The following PDE4DIP variants were observed in gnomAD, a reference collection of about 807,000 sequenced individuals.
The protein encoded by PDE4DIP is phosphodiesterase 4D interacting protein.
In PDE4DIP, 59 loss-of-function variants were observed where a neutral mutation model predicts 221.4. That is an observed-to-expected ratio of 0.27 (90% CI 0.22 to 0.33). PDE4DIP has a LOEUF of 0.33. Ranked by LOEUF, PDE4DIP falls within the 10% of genes least tolerant of loss-of-function variation. PDE4DIP has a pLI of 1.00. For synonymous variants in PDE4DIP, 404 were observed against 815.9 expected, an observed-to-expected ratio of 0.50 and a Z score of 8.60; for missense variants, 1,036 against 2,154.2, an observed-to-expected ratio of 0.48 and a Z score of 10.28.
At chr1:148,968,887 G>T (rs782022057) in exon 14 of PDE4DIP, 8 of 1,613,600 alleles carry the variant, frequency 5.0e-6, no homozygotes, top group Non-Finnish European at 5.9e-6. Context: ...GAGTGAGATA[G>T]CAGAGGAGCT....
chr1:149,016,308 C>A, exon 33 of PDE4DIP: 2 of 1,613,838 alleles, frequency 1.2e-6, no homozygotes, highest in South Asian at 1.1e-5. Flanking sequence ...GGTGCCAGCA[C>A]TGTTCCTCCT....
rs782540603 is a variant in PDE4DIP, at chr1:148,981,364, T to C, written c.2782T>C (p.Leu928=). Residue 928 remains leucine (L), a synonymous_variant, in exon 21 of 44, where the codon TTA becomes CTA. Transcript: ENST00000369354. The stretch of plus-strand genomic sequence containing the variant: ...AGTTCTTGGAAGAAGCTTGGAGCGC[T>C]TAAACAGGCTGGAGACCCTGGCCGC... The C allele has an allele frequency of 3.7e-6, 6 of 1,614,046 alleles. No individual in the cohort carries two copies. In the East Asian group the frequency reaches 1.1e-4, roughly 30 times the overall value.
At chr1:148,965,272 C>G (rs1454843179) in intron 9 of PDE4DIP, among the ~76,000 whole-genome samples, 1 of 150,558 alleles carries the variant, frequency 6.6e-6, no homozygotes, top group Non-Finnish European at 1.5e-5. Context: ...AAGTATTGAA[C>G]TATAATATCA....
At chr1:148,952,420 G>A (rs1336918056) in intron 5 of PDE4DIP, 16 of 1,085,816 alleles carry the variant, frequency 1.5e-5, no homozygotes, top group Non-Finnish European at 1.8e-5. Flanking sequence ...GGCCGCTGCT[G>A]CTCCGGGAGC....
chr1:149,019,773 A>C (rs1553615915), intron 35 of PDE4DIP, among the ~76,000 whole-genome samples: 1 of 152,222 alleles, frequency 6.6e-6, no homozygotes, highest in African/African-American at 2.4e-5. Context: ...TCAAAAACAA[A>C]AAATCTCAGT....
intron 27 of PDE4DIP, among the ~76,000 whole-genome samples, chr1:149,006,030 G>A (rs1389431332): frequency 4.6e-5 from 7 of 152,272 alleles, no homozygotes; most frequent in African/African-American, 1.7e-4. Context: ...CTATTCGGGA[G>A]GCTGAGGCAG....
At chr1:148,827,713 G>GTT (rs1306628676) in intron 1 of PDE4DIP, among the ~76,000 whole-genome samples, 1 of 120,352 alleles carries the variant, frequency 8.3e-6, no homozygotes, top group African/African-American at 2.7e-5. Flanking sequence ...GTGTGTGTGT[G>GTT]TGTGTGTGTG....
In PDE4DIP at chr1:148,952,045, C is replaced by G. The variant is rs1170877554; in HGVS notation, c.637-8609C>G. 1.1e-5 allele frequency: 11 copies of G among 1,010,216 alleles called. No individual in the cohort carries two copies. The African/African-American group carries it at 1.9e-4, about 17-fold the overall frequency. 62.6% of individuals were successfully genotyped at this position (1,010,216 alleles called of 1,614,324 possible). A position where few individuals can be genotyped will look rare whatever the true frequency, so the allele number is the denominator to read the frequency against. Reference sequence around the variant, plus strand: ...CCCCGCTGGCAGCCGGAGGACGTGGCACTGTCCGAGAATGCAGGGAGGGGA... The same window carrying G: ...CCCCGCTGGCAGCCGGAGGACGTGGGACTGTCCGAGAATGCAGGGAGGGGA... On this transcript the variant is annotated intron_variant, in intron 5 of 43. Coordinates refer to ENST00000369354, the Ensembl canonical transcript of PDE4DIP.
chr1:148,933,612 G>A (rs1194146617), intron 4 of PDE4DIP, among the ~76,000 whole-genome samples: 4 of 152,086 alleles, frequency 2.6e-5, no homozygotes, highest in Admixed American at 1.3e-4. Context: ...TAAGACTGTG[G>A]TGGTATAAAA....
At chr1:149,021,276 A>AGGCTCGGGTGGGGGTTT in intron 37 of PDE4DIP, 123 bp downstream of exon 40, 1 of 744,404 alleles carries the variant, frequency 1.3e-6, no homozygotes, top group Non-Finnish European at 2.2e-6. Context: ...AGAAACCCCC[A>AGGCTCGGGTGGGGGTTT]CCCGAGCCTG....
intron 9 of PDE4DIP, among the ~76,000 whole-genome samples, chr1:148,963,369 T>C (rs1439108676): frequency 6.6e-6 from 1 of 152,234 alleles, no homozygotes; most frequent in Non-Finnish European, 1.5e-5. Flanking sequence ...CGTATTGAGT[T>C]GTACCCTGGA....
At chr1:148,978,764 A>G (rs1574772655) in intron 19 of PDE4DIP, among the ~76,000 whole-genome samples, 2 of 151,956 alleles carry the variant, frequency 1.3e-5, no homozygotes, top group South Asian at 2.1e-4. Context: ...TTATTTTTCT[A>G]CTGTGAAATA....
chr1:148,970,869 G>T (rs1553525769), intron 14 of PDE4DIP, among the ~76,000 whole-genome samples: 1 of 152,082 alleles, frequency 6.6e-6, no homozygotes, highest in African/African-American at 2.4e-5. Context: ...TCTCCAAAGA[G>T]CCCAAATTTT....
intron 9 of PDE4DIP, among the ~76,000 whole-genome samples, chr1:148,963,783 T>G (rs1395282595): frequency 8.6e-6 from 1 of 116,268 alleles, no homozygotes; most frequent in Non-Finnish European, 1.7e-5. Flanking sequence ...AGACAGAGTC[T>G]CGCTCTGTCG....
At chr1:148,979,451 C>G (rs587685595) in intron 19 of PDE4DIP, among the ~76,000 whole-genome samples, 27 of 152,212 alleles carry the variant, frequency 1.8e-4, no homozygotes, top group Admixed American at 1.6e-3. Context: ...CCCTCTTGTC[C>G]ATCCTGTTTC....
intron 32 of PDE4DIP, 76 bp from the exon 36 acceptor site, chr1:149,016,223 G>C: frequency 9.3e-7 from 1 of 1,072,560 alleles, no homozygotes; most frequent in South Asian, 1.5e-5. Flanking sequence ...TCTATTCTTA[G>C]CAATCACACA....
intron 37 of PDE4DIP, among the ~76,000 whole-genome samples, chr1:149,022,638 G>T (rs1455283305): frequency 2.0e-5 from 3 of 151,572 alleles, no homozygotes; most frequent in African/African-American, 7.2e-5. Flanking sequence ...GACCACAGGA[G>T]AAGCTTGAGG....
At chr1:148,998,907 AT>A (rs1457156032) in intron 23 of PDE4DIP, among the ~76,000 whole-genome samples, 1 of 141,276 alleles carries the variant, frequency 7.1e-6, no homozygotes, top group East Asian at 2.2e-4. Context: ...CGCCCGTCTA[AT>A]TTTTTCTTTT....
At chr1:148,963,740 C>T (rs1279009270) in intron 9 of PDE4DIP, among the ~76,000 whole-genome samples, 3 of 143,016 alleles carry the variant, frequency 2.1e-5, no homozygotes, top group African/African-American at 2.5e-5. Flanking sequence ...CTCTCTCTTT[C>T]TTTCCTTCTT....
Sources: allele counts gnomAD v4.1 joint callset (sites outside exome capture counted in the v4.1 genomes callset), GRCh38; gene constraint gnomAD v4.1.1; transcripts MANE v1.5; gene names NCBI Gene and HGNC (gene_info 2026-07-23, HGNC 2026-07-21).